The following INSL6 variants were observed in gnomAD, a reference collection of about 807,000 sequenced individuals.
INSL6 encodes the protein insulin-like peptide INSL6.
Under a neutral mutation model 9.4 loss-of-function variants are expected in INSL6, and 16 were observed. That is an observed-to-expected ratio of 1.70 (90% CI 1.15 to 2.59). The LOEUF (loss-of-function observed/expected upper bound fraction) is 2.59, where lower values mean the gene tolerates loss of function less well. Among genes scored for constraint, INSL6 ranks in the 30% most tolerant of loss-of-function variants. The probability of loss-of-function intolerance (pLI) is 0.00; values close to 1 mark genes in which losing one functional copy is unlikely to be tolerated. For synonymous variants in INSL6, 154 were observed against 96.9 expected, an observed-to-expected ratio of 1.59 and a Z score of -3.46; for missense variants, 391 against 257.3, an observed-to-expected ratio of 1.52 and a Z score of -3.56.
the INSL6 span, among the ~76,000 whole-genome samples, chr9:5,014,533 A>G: frequency 1.7e-4 from 26 of 152,300 alleles, no homozygotes; most frequent in Non-Finnish European, 2.6e-4. Flanking sequence ...GTGGGAAAAT[A>G]TCAGAACAGC....
chr9:5,166,892 C>T (rs959174160), intron 1 of INSL6, among the ~76,000 whole-genome samples: 3 of 151,948 alleles, frequency 2.0e-5, no homozygotes, highest in African/African-American at 7.3e-5. Context: ...ATTTCAAACT[C>T]CTAAATATTA....
the INSL6 span, among the ~76,000 whole-genome samples, chr9:5,092,045 A>G: frequency 6.6e-6 from 1 of 152,146 alleles, no homozygotes; most frequent in African/African-American, 2.4e-5. Flanking sequence ...ATCATTAATA[A>G]CAATCAGAAT....
At chr9:5,072,697 T>A in the INSL6 span, 1 of 1,128,828 alleles carries the variant, frequency 8.9e-7, no homozygotes, top group Non-Finnish European at 1.2e-6. Context: ...GCATACAACG[T>A]ACTCATGTGT....
chr9:5,130,096 G>A (rs977849159), intron 3 of INSL6, among the ~76,000 whole-genome samples: 2 of 151,986 alleles, frequency 1.3e-5, no homozygotes, highest in Non-Finnish European at 2.9e-5. Context: ...GGTTTTAAAA[G>A]TTGTTAATGA....
intron 1 of INSL6, among the ~76,000 whole-genome samples, chr9:5,177,482 C>G (rs1326240244): frequency 6.6e-6 from 1 of 152,186 alleles, no homozygotes; most frequent in Non-Finnish European, 1.5e-5. Flanking sequence ...TGTGTGGAGT[C>G]TCAGCAGAGC....
exon 4 of INSL6, among the ~76,000 whole-genome samples, chr9:5,124,261 G>C (rs1586844603): frequency 6.6e-6 from 1 of 151,634 alleles, no homozygotes; most frequent in East Asian, 1.9e-4. Flanking sequence ...TGCTTTTGAG[G>C]TCTTTGCCAT....
At chr9:5,121,046 C>A (rs1424355839), downstream of INSL6, among the ~76,000 whole-genome samples, 2 of 151,938 alleles carry the variant, frequency 1.3e-5, no homozygotes, top group Non-Finnish European at 2.9e-5. Flanking sequence ...AAGTTTTTAA[C>A]CAAGAGAGGA....
the INSL6 span, chr9:5,085,843 C>T: frequency 1.8e-5 from 14 of 764,884 alleles, no homozygotes; most frequent in Non-Finnish European, 3.4e-5. Context: ...CCTTTTACAT[C>T]AAAGTAGTAC....
intron 3 of INSL6, among the ~76,000 whole-genome samples, chr9:5,130,875 C>G (rs984628809): frequency 6.7e-6 from 1 of 150,374 alleles, no homozygotes; most frequent in Non-Finnish European, 1.5e-5. Flanking sequence ...ACTACAGGCG[C>G]CTGCCACTAC....
chr9:5,024,647 T>C, the INSL6 span, among the ~76,000 whole-genome samples: 6 of 152,100 alleles, frequency 3.9e-5, no homozygotes, highest in Non-Finnish European at 7.4e-5. Context: ...TCTGTTTTGG[T>C]TTTCAGTGTG....
the INSL6 span, chr9:5,114,672 G>A: frequency 3.7e-5 from 16 of 436,200 alleles, no homozygotes; most frequent in East Asian, 6.0e-5. Flanking sequence ...GGGCTCTGGC[G>A]TCTTAGTCTT....
intron 1 of INSL6, among the ~76,000 whole-genome samples, chr9:5,179,051 A>C (rs954742041): frequency 2.0e-5 from 3 of 151,968 alleles, no homozygotes; most frequent in African/African-American, 7.3e-5. Context: ...CAGCAAAAAA[A>C]AAAAAAAATC....
At chr9:5,111,523 GC>G in the INSL6 span, 1 of 368,598 alleles carries the variant, frequency 2.7e-6, no homozygotes, top group Non-Finnish European at 5.3e-6. Context: ...CCGCCAAGAC[GC>G]CCAGCAGCGC....
the INSL6 span, among the ~76,000 whole-genome samples, chr9:5,102,575 C>G: frequency 6.6e-6 from 1 of 152,056 alleles, no homozygotes; most frequent in Non-Finnish European, 1.5e-5. Context: ...AGAGCAACCC[C>G]AAGACACGTA....
chr9:5,139,797 A>G (rs1824462648), intron 2 of INSL6, among the ~76,000 whole-genome samples: 1 of 152,194 alleles, frequency 6.6e-6, no homozygotes, highest in Non-Finnish European at 1.5e-5. Context: ...ATACAACAAC[A>G]TGCTAAATTA....
chr9:5,096,465 T>C, the INSL6 span, among the ~76,000 whole-genome samples: 2 of 152,132 alleles, frequency 1.3e-5, no homozygotes, highest in East Asian at 1.9e-4. Context: ...AATACCCTAA[T>C]CAACTGGCTT....
chr9:5,185,228 T>C, intron 1 of INSL6, 86 bp downstream of exon 1: 1 of 1,551,696 alleles, frequency 6.4e-7, no homozygotes, highest in Non-Finnish European at 8.9e-7. Context: ...TTCCACTTCC[T>C]GGGGAAGCTC....
At chr9:5,018,464 G>GT in the INSL6 span, among the ~76,000 whole-genome samples, 1 of 152,192 alleles carries the variant, frequency 6.6e-6, no homozygotes, top group South Asian at 2.1e-4. Flanking sequence ...AGCCTCTCAG[G>GT]TAGCTGGGAC....
chr9:5,081,254 A>T, the INSL6 span, among the ~76,000 whole-genome samples: 1 of 104,594 alleles, frequency 9.6e-6, no homozygotes, highest in Non-Finnish European at 1.8e-5. Flanking sequence ...GTTGTAAATT[A>T]TAGTATTTTT....
Sources: allele counts gnomAD v4.1 joint callset (sites outside exome capture counted in the v4.1 genomes callset), GRCh38; gene constraint gnomAD v4.1.1; transcripts MANE v1.5; gene names NCBI Gene and HGNC (gene_info 2026-07-23, HGNC 2026-07-21).